The following TTC23L variants were observed in gnomAD, a reference collection of about 807,000 sequenced individuals.
TTC23L encodes tetratricopeptide repeat protein 23-like.
TTC23L carries 42 observed loss-of-function variants against 48.1 expected under a neutral mutation model. The observed-to-expected ratio is 0.87, with a 90% CI of 0.68 to 1.13. The LOEUF is 1.13. Among genes scored for constraint, TTC23L ranks in the 50% most tolerant of loss-of-function variants. TTC23L has a pLI of 0.00. For synonymous variants in TTC23L, 159 were observed against 157.2 expected (o/e 1.01, Z -0.09); for missense variants, 391 against 421.0 (o/e 0.93, Z 0.62).
chr5:34,915,930 G>T, the TTC23L span: 1 of 1,507,912 alleles, frequency 6.6e-7, no homozygotes, highest in South Asian at 1.3e-5. Flanking sequence ...TACACCTGCG[G>T]CGGCGGCTCT....
the TTC23L span, chr5:34,922,469 A>G: frequency 9.9e-7 from 1 of 1,006,774 alleles, no homozygotes; most frequent in Non-Finnish European, 1.5e-6. Context: ...CATATTATTT[A>G]TGGTGAATAG....
downstream of TTC23L, among the ~76,000 whole-genome samples, chr5:34,901,527 C>T (rs979933796): frequency 1.3e-5 from 2 of 152,170 alleles, no homozygotes; most frequent in African/African-American, 4.8e-5. Flanking sequence ...CTTTGGGAGG[C>T]CGAGGCAGGC....
At chr5:34,866,845 G>A in intron 6 of TTC23L, 47 bp from the exon 7 acceptor site, 1 of 1,497,364 alleles carries the variant, frequency 6.7e-7, no homozygotes, top group Non-Finnish European at 9.0e-7. Flanking sequence ...TGTCTGCAAA[G>A]TAAGTGGCCT....
chr5:34,916,413 T>A, the TTC23L span: 1 of 152,560 alleles, frequency 6.6e-6, no homozygotes, highest in East Asian at 1.9e-4. Context: ...GACTAGGTAG[T>A]ATGAGCTTTA....
intron 2 of TTC23L, among the ~76,000 whole-genome samples, chr5:34,845,135 T>A (rs905858078): frequency 3.3e-5 from 5 of 152,224 alleles, no homozygotes; most frequent in Admixed American, 6.5e-5. Flanking sequence ...TTAGTGAATG[T>A]CACACACTGT....
At chr5:34,892,753 T>C (rs1324571994) in intron 9 of TTC23L, among the ~76,000 whole-genome samples, 1 of 152,044 alleles carries the variant, frequency 6.6e-6, no homozygotes, top group East Asian at 1.9e-4. Flanking sequence ...AACAGAAGCA[T>C]AGTGGCGTAG....
At chr5:34,925,049 G>A in the TTC23L span, 1 of 1,538,214 alleles carries the variant, frequency 6.5e-7, no homozygotes, top group Admixed American at 2.1e-5. Flanking sequence ...TGAAGTAATT[G>A]CTGTTTTATT....
At chr5:34,841,799 G>A (rs1758700726) in intron 2 of TTC23L, among the ~76,000 whole-genome samples, 1 of 152,232 alleles carries the variant, frequency 6.6e-6, no homozygotes, top group South Asian at 2.1e-4. Context: ...TTACAGGCAT[G>A]AGCCACTGTG....
chr5:34,923,137 T>G, the TTC23L span: 1 of 1,612,868 alleles, frequency 6.2e-7, no homozygotes, highest in East Asian at 2.2e-5. Flanking sequence ...AACTAGATCT[T>G]TAGTACACCA....
the TTC23L span, chr5:34,915,867 G>A: frequency 1.9e-6 from 3 of 1,562,188 alleles, no homozygotes; most frequent in Non-Finnish European, 2.6e-6. Context: ...AGGAAGAAGA[G>A]AGGGACCGGA....
In TTC23L at chr5:34,880,398, C is replaced by G. The variant is rs896840016; in HGVS notation, c.1077+90C>G. On this transcript the variant is annotated intron_variant, in intron 9 of 10. Coordinates refer to ENST00000505624, the Ensembl canonical transcript of TTC23L. ...ATCTTACAATTCAGATACTGGAGATCAGATAGGTCCCAGATAAAACTAGGC... is the reference window on the plus strand; with the variant it reads ...ATCTTACAATTCAGATACTGGAGATGAGATAGGTCCCAGATAAAACTAGGC... 6.0e-6 allele frequency: 8 copies of G among 1,324,326 alleles called. No individual in the cohort carries two copies. In the African/African-American group the frequency reaches 8.9e-5, roughly 15 times the overall value. 82.0% of individuals were successfully genotyped at this position (1,324,326 alleles called of 1,614,324 possible).
At chr5:34,888,432 CTGT>C (rs1360779778) in intron 9 of TTC23L, 13 of 973,864 alleles carry the variant, frequency 1.3e-5, no homozygotes, top group Non-Finnish European at 1.6e-5. Flanking sequence ...TCTCTTTAAC[CTGT>C]TGTTTCTCAC....
chr5:34,866,018 A>G (rs1239483428), intron 6 of TTC23L, among the ~76,000 whole-genome samples: 1 of 152,250 alleles, frequency 6.6e-6, no homozygotes, highest in Non-Finnish European at 1.5e-5. Flanking sequence ...GTAGGCTTAT[A>G]GAGTTTGAGA....
chr5:34,857,169 C>G (rs1453174128), intron 4 of TTC23L, among the ~76,000 whole-genome samples: 1 of 152,166 alleles, frequency 6.6e-6, no homozygotes, highest in Non-Finnish European at 1.5e-5. Flanking sequence ...TGGTGATGAT[C>G]CTAATGAGCC....
At chr5:34,914,860 C>G in the TTC23L span, 1 of 1,614,104 alleles carries the variant, frequency 6.2e-7, no homozygotes, top group Non-Finnish European at 8.5e-7. Flanking sequence ...ACTGATCATC[C>G]TCGTCTTGGA....
At position 34,847,148 on chromosome 5, in the gene TTC23L, A is replaced by G. The variant is rs538993682; in HGVS notation, c.255+1475A>G. Among the ~76,000 whole-genome samples, 13 of 152,274 alleles carry G rather than the reference A, an allele frequency of 8.5e-5. 1 individual carries two copies. Among genetic ancestry groups the G allele is most frequent in the South Asian group, 8.3e-4 (4 of 4,820 alleles). On this transcript the variant is annotated intron_variant, in intron 3 of 10. Transcript: ENST00000505624. Reference sequence around the variant, plus strand: ...GTAATCTAGAGAGGTTTCATTTTCTATCATTTGCCTCTGAAGTATCTCTCT... The same window carrying G: ...GTAATCTAGAGAGGTTTCATTTTCTGTCATTTGCCTCTGAAGTATCTCTCT...
At chr5:34,845,285 C>T (rs1407220489) in intron 2 of TTC23L, among the ~76,000 whole-genome samples, 2 of 152,158 alleles carry the variant, frequency 1.3e-5, no homozygotes, top group African/African-American at 4.8e-5. Context: ...CTCTATAAAT[C>T]GGCTTCTTCT....
At chr5:34,864,681 G>T (rs769296439) in intron 6 of TTC23L, 119 bp downstream of exon 6, 281 of 1,300,802 alleles carry the variant, frequency 2.2e-4, no homozygotes, top group Non-Finnish European at 2.8e-4. Context: ...AATAAAAGAG[G>T]CTCATATTTA....
At chr5:34,871,621 G>A (rs1406377619) in intron 8 of TTC23L, among the ~76,000 whole-genome samples, 2 of 152,136 alleles carry the variant, frequency 1.3e-5, no homozygotes, top group African/African-American at 2.4e-5. Context: ...TACAGTTGGA[G>A]GAATCATAGT....
Sources: gnomAD v4.1 joint callset for allele counts (sites outside exome capture counted in the v4.1 genomes callset) on GRCh38, gnomAD v4.1.1 for gene constraint, MANE v1.5 for transcripts, NCBI Gene and HGNC (gene_info 2026-07-23, HGNC 2026-07-21) for gene names.